The following EHMT1 variants were observed in gnomAD, a reference collection of about 807,000 sequenced individuals.
EHMT1 encodes histone-lysine N-methyltransferase EHMT1.
EHMT1 carries 15 observed loss-of-function variants against 147.2 expected under a neutral mutation model. That is an observed-to-expected ratio of 0.10 (90% CI 0.07 to 0.16). The LOEUF (loss-of-function observed/expected upper bound fraction) is 0.16. Ranked by LOEUF, EHMT1 falls within the 10% of genes least tolerant of loss-of-function variation. The probability of loss-of-function intolerance (pLI) is 1.00; values close to 1 mark genes in which losing one functional copy is unlikely to be tolerated. For missense variants in EHMT1, 1,587 were observed against 1,772.4 expected (o/e 0.90, Z 1.88); for synonymous variants, 795 against 709.6 (o/e 1.12, Z -1.91).
chr9:137,768,966 C>T (rs896869030), intron 10 of EHMT1, among the ~76,000 whole-genome samples: 4 of 152,180 alleles, frequency 2.6e-5, no homozygotes, highest in East Asian at 1.9e-4. Context: ...AGATTACAGT[C>T]GTGAGCTACC....
At position 137,813,967 on chromosome 9, in the gene EHMT1, G is replaced by A. The variant is rs1032368509; in HGVS notation, c.3180+437G>A. On this transcript the variant is annotated intron_variant, in intron 21 of 26. Coordinates refer to ENST00000460843, the MANE Select transcript of EHMT1 (RefSeq NM_024757.5). This position sits in a 1 kb window ranked among gnomAD's most constrained non-coding sequence, Gnocchi z 4.9. ...AGCCTCCGAGTGCATGCAGCCTGGT[G>A]CCCTCACTGCTTGCGCCTTCTCGAG... Among the ~76,000 whole-genome samples, 1 of 151,232 alleles carries A rather than the reference G, an allele frequency of 6.6e-6. No homozygotes were observed. Among genetic ancestry groups the A allele is most frequent in the Non-Finnish European group, 1.5e-5 (1 of 67,926 alleles).
intron 7 of EHMT1, among the ~76,000 whole-genome samples, chr9:137,753,095 G>C (rs1391001030): frequency 3.9e-5 from 6 of 152,180 alleles, no homozygotes; most frequent in African/African-American, 1.4e-4. Context: ...CCCAGCCTGT[G>C]AGGGTTCCAC....
At chr9:137,834,732 G>A (rs754739805) in intron 26 of EHMT1, 41 bp from the exon 27 acceptor site, 13 of 1,613,062 alleles carry the variant, frequency 8.1e-6, no homozygotes, top group Admixed American at 1.7e-5. Context: ...GGAGGTGCCG[G>A]TGGGATTCGA....
chr9:137,814,409 C>G (rs772711400), intron 21 of EHMT1, 22 bp from the exon 22 acceptor site: 36 of 1,611,370 alleles, frequency 2.2e-5, no homozygotes, highest in Non-Finnish European at 3.0e-5. Flanking sequence ...CACGTCTGAC[C>G]CCCCGGCGCC....
At chr9:137,738,440 C>T (rs1290614131) in intron 4 of EHMT1, among the ~76,000 whole-genome samples, 2 of 152,102 alleles carry the variant, frequency 1.3e-5, no homozygotes, top group Admixed American at 1.3e-4. Context: ...AATGGGAACC[C>T]TTGTGCACTG....
intron 3 of EHMT1, among the ~76,000 whole-genome samples, chr9:137,721,851 A>G (rs1946090448): frequency 6.6e-6 from 1 of 152,082 alleles, no homozygotes; most frequent in African/African-American, 2.4e-5. Context: ...CTTTCTCTCA[A>G]AAGGTCTTTC....
chr9:137,684,113 G>A (rs1301648660), intron 1 of EHMT1, among the ~76,000 whole-genome samples: 1 of 151,936 alleles, frequency 6.6e-6, no homozygotes, highest in Admixed American at 6.6e-5. Context: ...ACGGCTCACT[G>A]TAGCCTCGAC....
intron 12 of EHMT1, 183 bp downstream of exon 12, chr9:137,777,027 C>A (rs906484686): frequency 4.6e-6 from 3 of 652,470 alleles, no homozygotes; most frequent in Non-Finnish European, 7.8e-6. Flanking sequence ...GCATACGTTG[C>A]TCTCTTTCGG....
chr9:137,743,072 T>C (rs1948241728), intron 4 of EHMT1: 1 of 396,658 alleles, frequency 2.5e-6, no homozygotes. Context: ...GCCCTGCTAC[T>C]GATGATTTGT....
intron 1 of EHMT1, among the ~76,000 whole-genome samples, chr9:137,688,160 A>T (rs986626581): frequency 6.6e-6 from 1 of 152,114 alleles, no homozygotes; most frequent in Admixed American, 6.6e-5. Context: ...AGTAACTGGG[A>T]TTACAAGCAT....
At chr9:137,727,270 C>T (rs1485610825) in intron 3 of EHMT1, among the ~76,000 whole-genome samples, 1 of 152,184 alleles carries the variant, frequency 6.6e-6, no homozygotes, top group Non-Finnish European at 1.5e-5. Flanking sequence ...GTGTGACACA[C>T]CACACCTGGC....
intron 15 of EHMT1, chr9:137,785,385 G>T: frequency 6.6e-6 from 1 of 151,674 alleles, no homozygotes; most frequent in South Asian, 2.0e-4. Context: ...CGTGAGGGTG[G>T]GGTGCGCTGA....
intron 22 of EHMT1, chr9:137,814,824 G>A: frequency 1.9e-6 from 1 of 526,040 alleles, no homozygotes; most frequent in Non-Finnish European, 3.5e-6. Context: ...GTGTGTATCT[G>A]GTAAGCTGTG....
intron 1 of EHMT1, among the ~76,000 whole-genome samples, chr9:137,655,156 G>A (rs1040054285): frequency 6.6e-5 from 10 of 151,994 alleles, no homozygotes; most frequent in African/African-American, 2.4e-4. Context: ...ACGCCACTAC[G>A]CTTGGCTAAT....
rs549308294 is a variant in EHMT1, at chr9:137,832,050, G to T, written c.3541-2299G>T. On this transcript the variant is annotated intron_variant, in intron 25 of 26. Coordinates refer to ENST00000460843, the MANE Select transcript of EHMT1 (RefSeq NM_024757.5). The stretch of plus-strand genomic sequence containing the variant: ...TTCGCCCCAGTCCTAGGATTGGCTG[G>T]GCTCCCTCCACAGGCTCCGCCTCCT... Among the ~76,000 whole-genome samples, 6 of 151,674 alleles carry T rather than the reference G, an allele frequency of 4.0e-5. No homozygotes were observed. The East Asian group carries it at 1.2e-3, about 30-fold the overall frequency.
chr9:137,797,704 A>C (rs554678310), intron 16 of EHMT1, among the ~76,000 whole-genome samples: 1 of 152,264 alleles, frequency 6.6e-6, no homozygotes, highest in South Asian at 2.1e-4. Context: ...ATTTAGCCCC[A>C]GGTAGGGGAG....
chr9:137,758,812 T>C (rs1013431143), intron 9 of EHMT1, among the ~76,000 whole-genome samples: 3 of 152,058 alleles, frequency 2.0e-5, no homozygotes, highest in Admixed American at 2.0e-4. Flanking sequence ...GGAAATCACA[T>C]CTTTAGCTTA....
chr9:137,794,227 TTTAA>T (rs1952734646), intron 16 of EHMT1, among the ~76,000 whole-genome samples: 1 of 152,214 alleles, frequency 6.6e-6, no homozygotes, highest in Non-Finnish European at 1.5e-5. Flanking sequence ...AATTTGAATA[TTTAA>T]TATTTATCTT....
Position 137,717,131 on chromosome 9 carries a change from C to A in EHMT1, c.591C>A (p.Asp197Glu). 1 of 1,612,522 alleles carries A rather than the reference C, an allele frequency of 6.2e-7. No individual in the cohort carries two copies. The part of the protein sequence containing the change: ...EDRKLPAPGA[D>E]VKVHRARKTM... ...GGAAGCTCCCGGCCCCTGGCGCCGA[C>A]GTCAAGGTCCACAGGGCACGCAAGA... Residue 197 changes from aspartate to glutamate, a missense_variant, in exon 3 of 27, where the codon GAC becomes GAA. Coordinates refer to ENST00000460843, the MANE Select transcript of EHMT1 (RefSeq NM_024757.5).
Sources: allele counts gnomAD v4.1 joint callset (sites outside exome capture counted in the v4.1 genomes callset), GRCh38; gene constraint gnomAD v4.1.1; non-coding constraint Gnocchi (gnomAD v3.1); transcripts MANE v1.5; gene names NCBI Gene and HGNC (gene_info 2026-07-23, HGNC 2026-07-21).